The following MID1 variants were observed in gnomAD, a reference collection of about 807,000 sequenced individuals.
MID1 encodes E3 ubiquitin-protein ligase Midline-1.
MID1 carries 7 observed loss-of-function variants against 40.4 expected under a neutral mutation model. The observed-to-expected ratio is 0.17, with a 90% CI of 0.10 to 0.33. The LOEUF is 0.33. Among genes scored for constraint, MID1 ranks in the 10% least tolerant of loss-of-function variants. The probability of loss-of-function intolerance (pLI) is 1.00; values close to 1 mark genes in which losing one functional copy is unlikely to be tolerated. For missense variants in MID1, 367 were observed against 558.5 expected, an observed-to-expected ratio of 0.66 and a Z score of 3.46; for synonymous variants, 229 against 221.2, an observed-to-expected ratio of 1.04 and a Z score of -0.31.
intron 1 of MID1, among the ~76,000 whole-genome samples, chrX:10,751,923 A>C (rs2043601077): frequency 9.0e-6 from 1 of 111,372 alleles, no homozygotes; most frequent in Admixed American, 9.5e-5. Context: ...CTCCTTGCTC[A>C]GTTAGTTCAC....
At chrX:10,546,124 T>C (rs909567013) in intron 2 of MID1, among the ~76,000 whole-genome samples, 3 of 112,273 alleles carry the variant, frequency 2.7e-5, no homozygotes, top group African/African-American at 9.7e-5. Context: ...CATCCTGCCA[T>C]GGGCATTTTG....
At chrX:10,691,522 C>T (rs1414499509) in intron 1 of MID1, among the ~76,000 whole-genome samples, 3 of 112,463 alleles carry the variant, frequency 2.7e-5, no homozygotes, top group Non-Finnish European at 3.8e-5. Context: ...GGACATTTAT[C>T]CCTTCCCCAA....
chrX:10,629,813 T>C, intron 1 of MID1, among the ~76,000 whole-genome samples: 1 of 112,147 alleles, frequency 8.9e-6, no homozygotes, highest in Non-Finnish European at 1.9e-5. Context: ...AGCTAATTGG[T>C]GCATCAATGT....
At chrX:10,532,942 C>T (rs753965462) in intron 2 of MID1, among the ~76,000 whole-genome samples, 48 of 110,073 alleles carry the variant, frequency 4.4e-4, no homozygotes, top group African/African-American at 1.4e-3. Context: ...AGCTAATTTT[C>T]GTATTTTTTA....
Position 10,729,072 on chromosome X carries a change from A to T in MID1, c.-187+104482T>A, listed in dbSNP as rs1426981765. Among the ~76,000 whole-genome samples the T allele has an allele frequency of 2.7e-5, 3 of 111,699 alleles. No individual in the cohort carries two copies. The Admixed American group carries it at 2.9e-4, about 11-fold the overall frequency. Reference sequence around the variant, plus strand: ...CTTCTCAATCCCCACAAAAGCCCAGAATTTCTATACCCCTTTGTGAGTCCC... The same window carrying T: ...CTTCTCAATCCCCACAAAAGCCCAGTATTTCTATACCCCTTTGTGAGTCCC... On this transcript the variant is annotated intron_variant, in intron 1 of 10. Coordinates refer to the MID1 transcript ENST00000380785.
intron 1 of MID1, among the ~76,000 whole-genome samples, chrX:10,676,171 G>A (rs1238881052): frequency 8.9e-6 from 1 of 112,464 alleles, no homozygotes; most frequent in African/African-American, 3.2e-5. Context: ...ATCAAATTGA[G>A]ATAGAAATGC....
intron 1 of MID1, among the ~76,000 whole-genome samples, chrX:10,613,600 T>C (rs1246665595): frequency 9.7e-6 from 1 of 102,652 alleles, no homozygotes; most frequent in Non-Finnish European, 2.0e-5. Flanking sequence ...GCATGACCCA[T>C]TTCGTAATCA....
At chrX:10,532,884 C>G (rs1200918325) in intron 2 of MID1, among the ~76,000 whole-genome samples, 1 of 107,454 alleles carries the variant, frequency 9.3e-6, no homozygotes, top group South Asian at 4.1e-4. Context: ...TCTCCTGCCT[C>G]AGCCTCCCGA....
intron 1 of MID1, among the ~76,000 whole-genome samples, chrX:10,720,960 A>T (rs1378999986): frequency 2.8e-5 from 3 of 107,384 alleles, no homozygotes; most frequent in Non-Finnish European, 3.8e-5. Flanking sequence ...AAAAAACCGA[A>T]CACCGCATGT....
chrX:10,717,849 T>G (rs1418627280), intron 1 of MID1, among the ~76,000 whole-genome samples: 2 of 111,503 alleles, frequency 1.8e-5, no homozygotes, highest in Admixed American at 1.9e-4. Context: ...AAACTATCTC[T>G]CAGACCACAG....
chrX:10,720,861 T>C (rs1405737878), intron 1 of MID1, among the ~76,000 whole-genome samples: 2 of 110,070 alleles, frequency 1.8e-5, no homozygotes, highest in African/African-American at 6.6e-5. Flanking sequence ...TGGAATACTA[T>C]GCAGCCATAA....
intron 6 of MID1, among the ~76,000 whole-genome samples, chrX:10,473,545 A>G (rs1234236230): frequency 8.9e-6 from 1 of 112,132 alleles, no homozygotes; most frequent in Non-Finnish European, 1.9e-5. Context: ...CCTTCTATCC[A>G]CAGACTGTAA....
Position 10,659,079 on chromosome X carries a change from A to T in MID1, c.-186-38660T>A, listed in dbSNP as rs1250278288. 3.6e-5 allele frequency among the ~76,000 whole-genome samples: 4 copies of T among 111,526 alleles called. No homozygotes were observed. The East Asian group carries it at 8.4e-4, about 23-fold the overall frequency. ...CAAACTTACAGTCTTTGGAGCACAA[A>T]TCAATGTAGCAATGTAGCCAACAAA... On this transcript the variant is annotated intron_variant, in intron 1 of 10. Transcript: ENST00000380785.
rs185327704 is a variant in MID1, at chrX:10,447,311, T to C, written c.*2057A>G. The C allele has an allele frequency of 2.7e-5, 3 of 112,108 alleles. No individual in the cohort carries two copies. The East Asian group carries it at 8.3e-4, about 31-fold the overall frequency. 9.2% of individuals were successfully genotyped at this position (112,108 alleles called of 1,213,427 possible). ...TATTGTCCTTCTACTAAGTGTTTTA[T>C]GTTAACATCATAAGGCAAACTGTAG... On this transcript the variant is annotated 3_prime_UTR_variant, in exon 10 of 10. Coordinates refer to ENST00000317552, the MANE Select transcript of MID1 (RefSeq NM_000381.4).
intron 1 of MID1, among the ~76,000 whole-genome samples, chrX:10,683,149 G>A (rs1034691044): frequency 1.8e-5 from 2 of 111,956 alleles, no homozygotes; most frequent in Admixed American, 9.5e-5. Context: ...TTCAACCCTT[G>A]AAAGGTCACT....
intron 1 of MID1, among the ~76,000 whole-genome samples, chrX:10,734,551 T>TAA (rs60973932): frequency 1.2e-4 from 12 of 98,092 alleles, no homozygotes; most frequent in Non-Finnish European, 2.5e-4. Context: ...AAATAAAAGT[T>TAA]AAAAAAAAAA....
chrX:10,786,856 T>C (rs1405495812), intron 1 of MID1, among the ~76,000 whole-genome samples: 2 of 105,065 alleles, frequency 1.9e-5, no homozygotes, highest in African/African-American at 6.9e-5. Flanking sequence ...TTAGGAGATA[T>C]ACCTAATGTT....
At chrX:10,601,854 C>A (rs1935527473) in intron 1 of MID1, among the ~76,000 whole-genome samples, 1 of 110,322 alleles carries the variant, frequency 9.1e-6, no homozygotes, top group Non-Finnish European at 1.9e-5. Flanking sequence ...TCTGCTTGTT[C>A]CCTTTGGCGA....
At chrX:10,640,373 T>G (rs1356612685) in intron 1 of MID1, among the ~76,000 whole-genome samples, 1 of 110,857 alleles carries the variant, frequency 9.0e-6, no homozygotes. Context: ...TCCTAGTCTC[T>G]GATAAAACAG....
Sources: allele counts gnomAD v4.1 joint callset (sites outside exome capture counted in the v4.1 genomes callset), GRCh38; gene constraint gnomAD v4.1.1; transcripts MANE v1.5; gene names NCBI Gene and HGNC (gene_info 2026-07-23, HGNC 2026-07-21).